Variants in NNT observed in about 807,000 individuals in gnomAD.
NNT encodes the protein nicotinamide nucleotide transhydrogenase.
A neutral mutation model predicts 104.8 loss-of-function variants in NNT; 50 were observed. The ratio of observed to expected loss-of-function variants is 0.48; its 90% CI spans 0.38 to 0.60. The LOEUF is 0.60. Ranked by LOEUF, NNT falls within the 20% of genes least tolerant of loss-of-function variation. NNT has a pLI of 0.00. For missense variants in NNT, 1,131 were observed against 1,330.7 expected (o/e 0.85, Z 2.33); for synonymous variants, 461 against 490.4 (o/e 0.94, Z 0.79).
At chr5:43,606,829 T>C (rs561699187) in intron 1 of NNT, among the ~76,000 whole-genome samples, 45 of 152,342 alleles carry the variant, frequency 3.0e-4, no homozygotes, top group African/African-American at 1.1e-3. Flanking sequence ...TGCTTCTTAA[T>C]GGCAAAACTC....
intron 21 of NNT, among the ~76,000 whole-genome samples, chr5:43,702,996 A>G (rs1297852033): frequency 3.9e-5 from 6 of 152,314 alleles, no homozygotes; most frequent in African/African-American, 1.4e-4. Context: ...CCACAGCTGA[A>G]AAAAGAGCTG....
chr5:43,688,634 C>T (rs1742105709), intron 19 of NNT, among the ~76,000 whole-genome samples: 1 of 152,076 alleles, frequency 6.6e-6, no homozygotes, highest in African/African-American at 2.4e-5. Flanking sequence ...TAGCTTAGCT[C>T]CCACTTATGA....
At chr5:43,677,680 C>T in intron 18 of NNT, 45 bp from the exon 19 acceptor site, 1 of 1,542,788 alleles carries the variant, frequency 6.5e-7, no homozygotes, top group Non-Finnish European at 9.0e-7. Flanking sequence ...CATGTAATTT[C>T]AAAATAAAAA....
At chr5:43,681,088 G>A (rs1157570586) in intron 19 of NNT, among the ~76,000 whole-genome samples, 4 of 151,452 alleles carry the variant, frequency 2.6e-5, no homozygotes, top group African/African-American at 7.3e-5. Flanking sequence ...GTGAAACCCC[G>A]TCTCTACTAA....
chr5:43,677,399 T>TGAGAGA (rs111577191), intron 18 of NNT, among the ~76,000 whole-genome samples: 9 of 138,634 alleles, frequency 6.5e-5, no homozygotes, highest in East Asian at 2.1e-4. Context: ...TTTAAAAACA[T>TGAGAGA]GAGAGAGAGA....
intron 17 of NNT, among the ~76,000 whole-genome samples, chr5:43,669,924 G>A (rs1185629180): frequency 6.6e-6 from 1 of 151,936 alleles, no homozygotes; most frequent in Non-Finnish European, 1.5e-5. Context: ...ACTTTTTTTG[G>A]TTGGTAGGCT....
At chr5:43,689,385 T>C (rs1406591020) in intron 19 of NNT, among the ~76,000 whole-genome samples, 2 of 152,360 alleles carry the variant, frequency 1.3e-5, no homozygotes, top group Non-Finnish European at 1.5e-5. Flanking sequence ...GTGCAGAAGC[T>C]TTTTAGCTTA....
chr5:43,672,051 T>C (rs1580087385), intron 17 of NNT, among the ~76,000 whole-genome samples: 1 of 152,260 alleles, frequency 6.6e-6, no homozygotes, highest in East Asian at 1.9e-4. Context: ...CAATCACTGA[T>C]ACCCTTTCTT....
intron 19 of NNT, among the ~76,000 whole-genome samples, chr5:43,684,442 G>T (rs1234658142): frequency 6.6e-6 from 1 of 152,086 alleles, no homozygotes; most frequent in Non-Finnish European, 1.5e-5. Context: ...GGATTTTGGT[G>T]GTTTTAGAAA....
intron 11 of NNT, 29 bp from the exon 12 acceptor site, chr5:43,650,448 T>C: frequency 6.7e-7 from 1 of 1,495,344 alleles, no homozygotes; most frequent in Non-Finnish European, 9.3e-7. Context: ...TCACTATCAC[T>C]ATTAACCATG....
intron 1 of NNT, among the ~76,000 whole-genome samples, chr5:43,608,819 T>C (rs1358247350): frequency 6.6e-6 from 1 of 152,238 alleles, no homozygotes; most frequent in African/African-American, 2.4e-5. Flanking sequence ...CTTGATTCTG[T>C]AGCAATATGT....
intron 17 of NNT, among the ~76,000 whole-genome samples, chr5:43,660,557 C>T (rs1353282532): frequency 1.3e-5 from 2 of 152,124 alleles, no homozygotes; most frequent in Non-Finnish European, 2.9e-5. Context: ...CATTCTCACA[C>T]TGCTGTAAAG....
At chr5:43,613,248 A>C (rs1037530623) in intron 3 of NNT, 111 bp downstream of exon 3, 1 of 835,492 alleles carries the variant, frequency 1.2e-6, no homozygotes, top group Non-Finnish European at 1.8e-6. Flanking sequence ...ATTTTCAAAC[A>C]GTGTATTTTT....
chr5:43,648,287 A>C, intron 10 of NNT: 1 of 997,790 alleles, frequency 1.0e-6, no homozygotes, highest in Non-Finnish European at 1.2e-6. Flanking sequence ...AATAGTTTAC[A>C]TCAAGGAAAA....
At position 43,655,879 on chromosome 5, in the gene NNT, C is replaced by T; in HGVS notation, c.2099C>T (p.Pro700Leu). 6.2e-7 allele frequency: 1 copy of T among 1,614,172 alleles called. No individual in the cohort carries two copies. The highest frequency in any genetic ancestry group is 8.5e-7 in the Non-Finnish European group (1 of 1,180,020). The change falls in exon 15 of 22, where the codon CCT (proline) becomes CTT (leucine). Residue 700 changes from proline (P) to leucine (L), a missense_variant. Coordinates refer to ENST00000344920, the MANE Select transcript of NNT (RefSeq NM_182977.3). The stretch of plus-strand genomic sequence containing the variant: ...AAACGCATCCAGATTTCTGATTTAC[C>T]TCAATTAGTTGCTGCTTTTCACAGT... ...IAKRIQISDL[P>L]QLVAAFHSLV...
intron 17 of NNT, among the ~76,000 whole-genome samples, chr5:43,667,786 T>C (rs1293422438): frequency 6.6e-6 from 1 of 151,720 alleles, no homozygotes; most frequent in Non-Finnish European, 1.5e-5. Context: ...TATACCCCAG[T>C]AATGGGATGG....
rs772265577 is a variant in NNT at position 43,646,724 on chromosome 5, G to A, written c.1444+1214G>A. ...TTATCTGCACACATGGGTAGGACAA[G>A]GGAAGCAAAGTTTGCCTTAAAGAAT... is the stretch of plus-strand genomic sequence containing the variant. On this transcript the variant is annotated intron_variant, in intron 10 of 21. Coordinates refer to ENST00000344920, the MANE Select transcript of NNT (RefSeq NM_182977.3). 1.1e-4 allele frequency among the ~76,000 whole-genome samples: 17 copies of A among 152,232 alleles called. 1 individual carries two copies. The highest frequency in any genetic ancestry group is 3.4e-3 in the Middle Eastern group (1 of 292).
At position 43,609,263 on chromosome 5, in the gene NNT, G is replaced by A. The variant is rs1242667920; in HGVS notation, c.68G>A (p.Cys23Tyr). The change falls in exon 2 of 22, where the codon TGT becomes TAT. Residue 23 changes from cysteine (C) to tyrosine (Y), a missense_variant. By Grantham distance (194) the Cys-to-Tyr change is radical. Coordinates refer to ENST00000344920, the MANE Select transcript of NNT (RefSeq NM_182977.3). ...CCTCTACTTAGCAATTTGGGGTCCT[G>A]TAAGGGTCTACGTGTGAAGAAGGAT... ...SCPLLSNLGS[C>Y]KGLRVKKDFL... The A allele has an allele frequency of 8.1e-6, 13 of 1,613,930 alleles. No homozygotes were observed. Among genetic ancestry groups the A allele is most frequent in the Non-Finnish European group, 1.1e-5 (13 of 1,179,948 alleles).
At chr5:43,667,839 G>A (rs939236684) in intron 17 of NNT, among the ~76,000 whole-genome samples, 4 of 152,154 alleles carry the variant, frequency 2.6e-5, no homozygotes, top group Non-Finnish European at 2.9e-5. Flanking sequence ...TTGAGGAATC[G>A]CCACACTGTC....
Sources: gnomAD v4.1 joint callset for allele counts (sites outside exome capture counted in the v4.1 genomes callset) on GRCh38, gnomAD v4.1.1 for gene constraint, MANE v1.5 for transcripts, NCBI Gene and HGNC (gene_info 2026-07-23, HGNC 2026-07-21) for gene names.